The following GRIK5 variants were observed in gnomAD, a reference collection of about 807,000 sequenced individuals.
GRIK5 encodes glutamate ionotropic receptor kainate type subunit 5, also known as glutamate receptor ionotropic, kainate 5.
GRIK5 carries 43 observed loss-of-function variants against 97.4 expected under a neutral mutation model. The observed-to-expected ratio is 0.44, with a 90% CI of 0.35 to 0.57. The LOEUF (loss-of-function observed/expected upper bound fraction) is 0.57, where lower values mean the gene tolerates loss of function less well. Among genes scored for constraint, GRIK5 ranks in the 20% least tolerant of loss-of-function variants. The pLI, the probability that GRIK5 is intolerant of heterozygous loss-of-function variation, is 0.01. For synonymous variants in GRIK5, 580 were observed against 583.5 expected (o/e 0.99, Z 0.09); for missense variants, 1,015 against 1,382.0 (o/e 0.73, Z 4.21).
chr19:42,044,086 G>A (rs948989181), intron 11 of GRIK5, among the ~76,000 whole-genome samples: 2 of 152,120 alleles, frequency 1.3e-5, no homozygotes, highest in Admixed American at 6.5e-5. Flanking sequence ...GAGTTCTCAC[G>A]AGATCTGATG....
At chr19:42,019,193 T>C (rs2075667617) in intron 15 of GRIK5, among the ~76,000 whole-genome samples, 1 of 152,098 alleles carries the variant, frequency 6.6e-6, no homozygotes, top group Non-Finnish European at 1.5e-5. Flanking sequence ...AACCCTCCTG[T>C]GAGGACGCCA....
chr19:42,033,290 C>T (rs2075860887), intron 12 of GRIK5, among the ~76,000 whole-genome samples: 1 of 147,208 alleles, frequency 6.8e-6, no homozygotes, highest in Non-Finnish European at 1.5e-5. Context: ...TGCACTCCAG[C>T]CTGGGCGAGA....
intron 5 of GRIK5, among the ~76,000 whole-genome samples, chr19:42,061,214 A>G (rs2076254851): frequency 6.6e-6 from 1 of 152,104 alleles, no homozygotes; most frequent in East Asian, 1.9e-4. Context: ...CACCCGGCTA[A>G]CTTTTTGTAT....
chr19:42,022,611 C>T lies in GRIK5; in HGVS notation c.1474-257G>A, dbSNP rs2075714795. On this transcript the variant is annotated intron_variant, in intron 12 of 19. Transcript: ENST00000593562. This position sits in a 1 kb window ranked among gnomAD's most constrained non-coding sequence, Gnocchi z 4.2. Reference sequence around the variant, plus strand: ...CCGTCCCCTAGGCCTCAACTGTGTCCCAGCATCAAGGGCTGGGGATGGAGG... The same window carrying T: ...CCGTCCCCTAGGCCTCAACTGTGTCTCAGCATCAAGGGCTGGGGATGGAGG... 1.0e-6 allele frequency: 1 copy of T among 984,994 alleles called. No individual in the cohort carries two copies. Among genetic ancestry groups the T allele is most frequent in the African/African-American group, 1.7e-5 (1 of 57,242 alleles). 61.0% of individuals were successfully genotyped at this position (984,994 alleles called of 1,614,324 possible). A position where few individuals can be genotyped will look rare whatever the true frequency, so the allele number is the denominator to read the frequency against.
intron 12 of GRIK5, among the ~76,000 whole-genome samples, chr19:42,030,422 G>A (rs1377598983): frequency 2.0e-5 from 3 of 151,770 alleles, no homozygotes; most frequent in Non-Finnish European, 4.4e-5. Context: ...CTCCCAAAGT[G>A]CTGGTATTAG....
Position 42,042,891 on chromosome 19 carries a change from C to T in GRIK5, c.1270-136G>A. On this transcript the variant is annotated intron_variant, in intron 11 of 19. Transcript: ENST00000593562. The surrounding 1 kb of genome is among the most constrained non-coding windows in gnomAD (Gnocchi z 6.9). Reference sequence around the variant, plus strand: ...GTTGATTTATTCATAGTACACATTTCTCACTTACAAATGCTCAGAGTGGGG... The same window carrying T: ...GTTGATTTATTCATAGTACACATTTTTCACTTACAAATGCTCAGAGTGGGG... 1 of 673,222 alleles carries T rather than the reference C, an allele frequency of 1.5e-6. No individual in the cohort carries two copies. The highest frequency in any genetic ancestry group is 3.2e-4 in the Middle Eastern group (1 of 3,162). 41.7% of individuals were successfully genotyped at this position (673,222 alleles called of 1,614,324 possible).
chr19:42,056,472 TG>T (rs2076185484), intron 8 of GRIK5, among the ~76,000 whole-genome samples, 189 bp downstream of exon 8: 1 of 151,952 alleles, frequency 6.6e-6, no homozygotes, highest in South Asian at 2.1e-4. Flanking sequence ...CTCGAGGAGC[TG>T]GTGTGGCCAG....
At chr19:42,037,507 G>C (rs536231880) in intron 12 of GRIK5, among the ~76,000 whole-genome samples, 1 of 152,168 alleles carries the variant, frequency 6.6e-6, no homozygotes, top group African/African-American at 2.4e-5. Flanking sequence ...TGTGAGGGAG[G>C]TAACATTAGC....
rs899734793 is a variant in GRIK5 at position 42,022,549 on chromosome 19, C to A, written c.1474-195G>T. 2 of 985,072 alleles carry A rather than the reference C, an allele frequency of 2.0e-6. No individual in the cohort carries two copies. Among genetic ancestry groups the A allele is most frequent in the Non-Finnish European group, 2.4e-6 (2 of 829,878 alleles). The allele number at this position is 985,072 out of a possible 1,614,324, so 61.0% of individuals were successfully genotyped here. A position where few individuals can be genotyped will look rare whatever the true frequency, so the allele number is the denominator to read the frequency against. ...CTGAAATCGGACCCTCATCGCATGT[C>A]CATCCTCATCATCTCACGTCTCCAG... On this transcript the variant is annotated intron_variant, in intron 12 of 19. Transcript: ENST00000593562. The surrounding 1 kb of genome is among the most constrained non-coding windows in gnomAD (Gnocchi z 4.2).
rs576434630 is a variant in GRIK5 at position 42,069,602 on chromosome 19, G to T, written c.-412C>A. Reference sequence around the variant, plus strand: ...GGCACAGGCAAAGCCGGGGGAGGGGGAAGCTGGCCCAGGAAAGGGCCCCCG... The same window carrying T: ...GGCACAGGCAAAGCCGGGGGAGGGGTAAGCTGGCCCAGGAAAGGGCCCCCG... On this transcript the variant is annotated 5_prime_UTR_variant, in exon 1 of 20. Coordinates refer to ENST00000593562, the MANE Select transcript of GRIK5 (RefSeq NM_002088.5). 1 of 144,514 alleles carries T rather than the reference G, an allele frequency of 6.9e-6. No homozygotes were observed. The highest frequency in any genetic ancestry group is 2.5e-5 in the African/African-American group (1 of 39,690). 9.0% of individuals were successfully genotyped at this position (144,514 alleles called of 1,614,324 possible).
intron 12 of GRIK5, among the ~76,000 whole-genome samples, chr19:42,033,806 G>A (rs765088232): frequency 6.6e-6 from 1 of 152,170 alleles, no homozygotes; most frequent in Non-Finnish European, 1.5e-5. Flanking sequence ...TTCAAGACCA[G>A]CATGGAAACA....
intron 11 of GRIK5, among the ~76,000 whole-genome samples, chr19:42,051,476 C>G (rs918696271): frequency 1.3e-5 from 2 of 152,218 alleles, no homozygotes; most frequent in African/African-American, 4.8e-5. Context: ...TCAACACTCT[C>G]TCCCCAAGGT....
chr19:42,058,242 G>A (rs2076212539), intron 6 of GRIK5, among the ~76,000 whole-genome samples: 3 of 152,008 alleles, frequency 2.0e-5, no homozygotes, highest in Admixed American at 2.0e-4. Context: ...GTCCAGTGGT[G>A]CAATCTCAGC....
chr19:42,000,031 C>T (rs781899574), intron 19 of GRIK5, among the ~76,000 whole-genome samples: 8 of 152,160 alleles, frequency 5.3e-5, no homozygotes, highest in Non-Finnish European at 1.0e-4. Context: ...TGACTTGGCA[C>T]GTCTGAGGCA....
At chr19:42,011,507 C>T (rs2045033252) in intron 15 of GRIK5, among the ~76,000 whole-genome samples, 1 of 149,756 alleles carries the variant, frequency 6.7e-6, no homozygotes, top group Non-Finnish European at 1.5e-5. Flanking sequence ...GAGCCGAGAT[C>T]GCGCCACTGC....
chr19:42,008,016 A>G (rs1418768401), intron 15 of GRIK5, among the ~76,000 whole-genome samples: 3 of 152,116 alleles, frequency 2.0e-5, no homozygotes, highest in East Asian at 3.9e-4. Context: ...AGCAATGTAA[A>G]CAATGTCTGT....
chr19:42,033,317 C>CAAAA (rs1006793815), intron 12 of GRIK5, among the ~76,000 whole-genome samples: 2 of 42,180 alleles, frequency 4.7e-5, no homozygotes, highest in Non-Finnish European at 1.0e-4. Flanking sequence ...GACTCCGTCT[C>CAAAA]AAAAAAAAAA....
Position 41,998,993 on chromosome 19 carries a change from C to A in GRIK5, c.2821G>T (p.Ala941Ser). 8.2e-7 allele frequency: 1 copy of A among 1,216,214 alleles called. No individual in the cohort carries two copies. The highest frequency in any genetic ancestry group is 4.1e-5 in the East Asian group (1 of 24,586). The allele number at this position is 1,216,214 out of a possible 1,614,324, so 75.3% of individuals were successfully genotyped here. ...GCGCCGGCCCCCGAGGCCCGCAGCG[C>A]CTGGATGCGCCGGCACTCCTGGCAG... ...RVCQECRRIQ[A>S]LRASGAGAPP... Residue 941 changes from alanine to serine, a missense_variant, in exon 20 of 20, where the codon GCG becomes TCG. By Grantham distance (99) the Ala-to-Ser change is moderately conservative. Coordinates refer to ENST00000593562, the MANE Select transcript of GRIK5 (RefSeq NM_002088.5).
intron 12 of GRIK5, among the ~76,000 whole-genome samples, chr19:42,034,292 T>C (rs2075875301): frequency 6.6e-6 from 1 of 151,738 alleles, no homozygotes; most frequent in Non-Finnish European, 1.5e-5. Context: ...GCCTGGGAGG[T>C]TGAGGTTGCA....
Sources: gnomAD v4.1 joint callset for allele counts (sites outside exome capture counted in the v4.1 genomes callset) on GRCh38, gnomAD v4.1.1 for gene constraint, Gnocchi (gnomAD v3.1) non-coding constraint, MANE v1.5 for transcripts, NCBI Gene and HGNC (gene_info 2026-07-23, HGNC 2026-07-21) for gene names.